Variants in FGD2 observed in about 807,000 individuals in gnomAD.
The protein encoded by FGD2 is FYVE, RhoGEF and PH domain-containing protein 2.
In FGD2, 52 loss-of-function variants were observed where a neutral mutation model predicts 75.9. The ratio of observed to expected loss-of-function variants is 0.69; its 90% confidence interval spans 0.55 to 0.86. The LOEUF (loss-of-function observed/expected upper bound fraction) is 0.86, where lower values mean the gene tolerates loss of function less well. FGD2 is among the 40% of genes least tolerant of loss of function. The pLI, the probability that FGD2 is intolerant of heterozygous loss-of-function variation, is 0.00. For synonymous variants in FGD2, 347 were observed against 348.6 expected (o/e 1.00, Z 0.05); for missense variants, 790 against 872.0 (o/e 0.91, Z 1.18).
chr6:37,010,341 C>T (rs1489025793), intron 2 of FGD2, among the ~76,000 whole-genome samples: 5 of 152,332 alleles, frequency 3.3e-5, no homozygotes, highest in African/African-American at 1.2e-4. Context: ...TCTTCCTCTT[C>T]TGACATTAAT....
chr6:37,015,074 G>A, intron 8 of FGD2, 36 bp downstream of exon 8: 1 of 1,598,676 alleles, frequency 6.3e-7, no homozygotes, highest in South Asian at 1.1e-5. Flanking sequence ...CCACACTGGG[G>A]AGGGAAGTCC....
chr6:37,015,134 C>A (rs1430688361), intron 8 of FGD2, 96 bp downstream of exon 8: 32 of 1,434,744 alleles, frequency 2.2e-5, no homozygotes, highest in Non-Finnish European at 2.9e-5. Flanking sequence ...CCTGGCACTG[C>A]AGGGGGACAG....
Position 37,012,008 on chromosome 6 carries a change from G to A in FGD2, c.527+154G>A, listed in dbSNP as rs1765034943. ...GCTCGGTCTGTCTGCACAGTGAAGG[G>A]CTTGGGTGAATGAGCTCTGAGAGGC... is the stretch of plus-strand genomic sequence containing the variant. On this transcript the variant is annotated intron_variant, in intron 4 of 15. Transcript: ENST00000274963. 11 of 786,152 alleles carry A rather than the reference G, an allele frequency of 1.4e-5. No individual in the cohort carries two copies. The East Asian group carries it at 2.6e-4, about 18-fold the overall frequency. The allele number at this position is 786,152 out of a possible 1,614,324, so 48.7% of individuals were successfully genotyped here. A position where few individuals can be genotyped will look rare whatever the true frequency, so the allele number is the denominator to read the frequency against.
chr6:37,011,221 G>A, intron 3 of FGD2, 171 bp downstream of exon 3: 1 of 658,346 alleles, frequency 1.5e-6, no homozygotes, highest in Non-Finnish European at 2.7e-6. Context: ...GAATCAGGAG[G>A]TCTTGTTAGC....
chr6:37,015,155 G>GTTCT, intron 8 of FGD2, 117 bp downstream of exon 8: 6 of 1,348,352 alleles, frequency 4.4e-6, no homozygotes, highest in Non-Finnish European at 4.9e-6. Context: ...GGAAGAGAAC[G>GTTCT]CTTCTCTGTC....
At chr6:37,013,582 A>T in intron 4 of FGD2, 27 bp from the exon 5 acceptor site, 6 of 1,607,376 alleles carry the variant, frequency 3.7e-6, no homozygotes, top group Non-Finnish European at 5.1e-6. Flanking sequence ...CTCTAGGCTG[A>T]GGGCAATCCC....
chr6:37,022,691 CA>C (rs1448574644), intron 13 of FGD2: 1 of 298,906 alleles, frequency 3.3e-6, no homozygotes, highest in East Asian at 7.3e-5. Context: ...TGGCTTCCAC[CA>C]GTGTCACCCA....
intron 3 of FGD2, chr6:37,011,488 T>C (rs1765002077): frequency 1.6e-6 from 1 of 617,526 alleles, no homozygotes; most frequent in African/African-American, 1.8e-5. Context: ...CTGCCAGCCT[T>C]TGGCCAAGTC....
chr6:37,014,239 A>G lies in FGD2; in HGVS notation c.823+139A>G, dbSNP rs1046089498. 303 of 1,050,508 alleles carry G rather than the reference A, an allele frequency of 2.9e-4. 1 individual carries two copies. Among genetic ancestry groups the G allele is most frequent in the Non-Finnish European group, 3.7e-4 (278 of 743,844 alleles). The allele number at this position is 1,050,508 out of a possible 1,614,324, so 65.1% of individuals were successfully genotyped here. On this transcript the variant is annotated intron_variant, in intron 6 of 15. Transcript: ENST00000274963. ...CTGGCACTTCATAGACATCATCCAT[A>G]CCATTAGCCATTTTTCACAGATGAG... is the stretch of plus-strand genomic sequence containing the variant.
Position 37,005,798 on chromosome 6 carries a change from CCACCCCGGAAACCGGCAGGA to C in FGD2, c.-19_1del. 1 of 1,613,146 alleles carries C rather than the reference CCACCCCGGAAACCGGCAGGA, an allele frequency of 6.2e-7. No individual in the cohort carries two copies. Among genetic ancestry groups the C allele is most frequent in the Non-Finnish European group, 8.5e-7 (1 of 1,179,800 alleles). ...TCTCTGCTTCGAGGGTAGCTGAGAT[CCACCCCGGAAACCGGCAGGA>C]TGAAGGGGGCAAGTGAGGAGAAGCT... On this transcript the variant is annotated start_lost and 5_prime_UTR_variant, in exon 1 of 16. Transcript: ENST00000274963.
chr6:37,011,864 A>G lies in FGD2; in HGVS notation c.527+10A>G. On this transcript the variant is annotated intron_variant, in intron 4 of 15. Transcript: ENST00000274963. Reference sequence around the variant, plus strand: ...GGCGCCTGGACGACTGGTGAGGTCCACCAGGAGCCCCTGAGGCCTCAGACC... The same window carrying G: ...GGCGCCTGGACGACTGGTGAGGTCCGCCAGGAGCCCCTGAGGCCTCAGACC... 1 of 1,612,798 alleles carries G rather than the reference A, an allele frequency of 6.2e-7. No individual in the cohort carries two copies. The highest frequency in any genetic ancestry group is 1.3e-5 in the African/African-American group (1 of 74,986).
intron 11 of FGD2, among the ~76,000 whole-genome samples, chr6:37,021,219 G>C (rs538443049): frequency 6.6e-6 from 1 of 152,202 alleles, no homozygotes; most frequent in Admixed American, 6.5e-5. Context: ...TTCCTAAGGA[G>C]CTGCTCTGTG....
chr6:37,022,228 T>G lies in FGD2; in HGVS notation c.1327-11T>G. ...AGGGCCCATTCCTGCCCAACTCCCC[T>G]TAACCCACAGCTGCAGTCTGAGGAG... On this transcript the variant is annotated splice_polypyrimidine_tract_variant and intron_variant, in intron 12 of 15. Transcript: ENST00000274963. The G allele has an allele frequency of 6.3e-7, 1 of 1,599,496 alleles. No homozygotes were observed. The highest frequency in any genetic ancestry group is 8.5e-7 in the Non-Finnish European group (1 of 1,172,420).
Position 37,027,583 on chromosome 6 carries a change from C to T in FGD2, c.1752+8C>T. The T allele has an allele frequency of 6.2e-7, 1 of 1,613,874 alleles. No homozygotes were observed. Among genetic ancestry groups the T allele is most frequent in the Non-Finnish European group, 8.5e-7 (1 of 1,179,946 alleles). On this transcript the variant is annotated splice_region_variant and intron_variant, in intron 15 of 15. Transcript: ENST00000274963. ...GTCTATGCTGCCCCTCAGGTAAGGC[C>T]ACCACCTGCCCGCCCCCCGTCAGGC...
intron 9 of FGD2, among the ~76,000 whole-genome samples, chr6:37,019,557 C>T (rs539251083): frequency 5.5e-4 from 84 of 152,356 alleles, no homozygotes; most frequent in South Asian, 1.9e-3. Flanking sequence ...CACACAGAAG[C>T]TCTTGTGCTC....
At chr6:37,024,042 GATA>G (rs1370800340) in intron 13 of FGD2, 1 of 152,170 alleles carries the variant, frequency 6.6e-6, no homozygotes, top group Non-Finnish European at 1.5e-5. Flanking sequence ...AACATATCTA[GATA>G]ATAATATTGT....
At chr6:37,010,930 T>C (rs1384615255) in intron 2 of FGD2, 43 bp from the exon 3 acceptor site, 2 of 1,593,948 alleles carry the variant, frequency 1.3e-6, no homozygotes, top group Non-Finnish European at 1.7e-6. Context: ...ACCAAAGCTG[T>C]CTTCCCCCTT....
In FGD2 at chr6:37,028,142, C is replaced by A; in HGVS notation, c.1947C>A (p.Asn649Lys). Residue 649 changes from asparagine to lysine, a missense_variant, in exon 16 of 16, where the codon AAC becomes AAA. Transcript: ENST00000274963. Reference sequence around the variant, plus strand: ...GTGGCTGGAGCCCCAGCTGGCCCAACGATGGGGACCTGTCCGACTGAGCCA... The same window carrying A: ...GTGGCTGGAGCCCCAGCTGGCCCAAAGATGGGGACCTGTCCGACTGAGCCA... ...AASGWSPSWPNDGDLSD is the reference protein window; with the variant it reads ...AASGWSPSWPKDGDLSD 1.9e-6 allele frequency: 3 copies of A among 1,599,414 alleles called. No individual in the cohort carries two copies. The highest frequency in any genetic ancestry group is 1.1e-5 in the South Asian group (1 of 89,882).
chr6:37,008,674 A>C (rs979611399), intron 1 of FGD2, among the ~76,000 whole-genome samples, 160 bp from the exon 2 acceptor site: 1 of 152,196 alleles, frequency 6.6e-6, no homozygotes, highest in Non-Finnish European at 1.5e-5. Context: ...GTTGGGAGAG[A>C]AGTGAAAGTC....
Sources: allele counts gnomAD v4.1 joint callset (sites outside exome capture counted in the v4.1 genomes callset), GRCh38; gene constraint gnomAD v4.1.1; transcripts MANE v1.5; gene names NCBI Gene and HGNC (gene_info 2026-07-23, HGNC 2026-07-21).